The following TMEM38A variants were observed in gnomAD, a reference collection of about 807,000 sequenced individuals.
The protein encoded by TMEM38A is transmembrane protein 38A, also known as trimeric intracellular cation channel type A.
A neutral mutation model predicts 28.6 loss-of-function variants in TMEM38A; 17 were observed. The observed-to-expected ratio is 0.60, with a 90% CI of 0.41 to 0.89. The LOEUF (loss-of-function observed/expected upper bound fraction) is 0.89, where lower values mean the gene tolerates loss of function less well. Ranked by LOEUF, TMEM38A falls within the 40% of genes least tolerant of loss-of-function variation. The pLI, the probability that TMEM38A is intolerant of heterozygous loss-of-function variation, is 0.00. For synonymous variants in TMEM38A, 169 were observed against 166.1 expected (o/e 1.02, Z -0.14); for missense variants, 328 against 393.1 (o/e 0.83, Z 1.40).
rs1023554067 is a variant in TMEM38A, at chr19:16,682,281, G to T, written c.467-140G>T. ...CTGAGCCTCAGTTTCCCCACCTGCA[G>T]CTGATGATCATACACCCCCAGGCTC... On this transcript the variant is annotated intron_variant, in intron 3 of 5. Coordinates refer to ENST00000187762, the MANE Select transcript of TMEM38A (RefSeq NM_024074.4). 2.2e-5 allele frequency: 15 copies of T among 668,032 alleles called. No individual in the cohort carries two copies. The African/African-American group carries it at 2.7e-4, about 12-fold the overall frequency. 41.4% of individuals were successfully genotyped at this position (668,032 alleles called of 1,614,324 possible). A position where few individuals can be genotyped will look rare whatever the true frequency, so the allele number is the denominator to read the frequency against.
intron 4 of TMEM38A, among the ~76,000 whole-genome samples, chr19:16,686,037 C>T (rs989885225): frequency 2.6e-5 from 4 of 152,128 alleles, no homozygotes; most frequent in African/African-American, 9.7e-5. Context: ...GTGGCATATG[C>T]CTGTAATCCC....
chr19:16,684,817 T>G (rs1302662322), intron 4 of TMEM38A, among the ~76,000 whole-genome samples: 1 of 149,922 alleles, frequency 6.7e-6, no homozygotes, highest in African/African-American at 2.5e-5. Context: ...GATAGGAGGA[T>G]TGCTCAAGGC....
intron 1 of TMEM38A, among the ~76,000 whole-genome samples, chr19:16,676,735 G>T (rs996285894): frequency 6.6e-6 from 1 of 150,772 alleles, no homozygotes; most frequent in South Asian, 2.1e-4. Flanking sequence ...ACTGTACCCC[G>T]AGTGTTGCAT....
intron 2 of TMEM38A, 85 bp from the exon 3 acceptor site, chr19:16,680,312 G>A (rs1426209819): frequency 6.5e-7 from 1 of 1,532,738 alleles, no homozygotes; most frequent in Non-Finnish European, 9.0e-7. Flanking sequence ...ACGTTGGGGA[G>A]GGTGGTCTGA....
intron 3 of TMEM38A, among the ~76,000 whole-genome samples, chr19:16,681,294 T>C (rs1235704227): frequency 6.6e-6 from 1 of 151,802 alleles, no homozygotes; most frequent in Non-Finnish European, 1.5e-5. Flanking sequence ...CTCTAAAAAA[T>C]TAAAATTAAA....
chr19:16,664,829 T>C (rs1234334874), intron 1 of TMEM38A, among the ~76,000 whole-genome samples: 1 of 151,976 alleles, frequency 6.6e-6, no homozygotes, highest in Non-Finnish European at 1.5e-5. Context: ...CCCTCCAGCC[T>C]GGGCAACAGA....
intron 1 of TMEM38A, among the ~76,000 whole-genome samples, chr19:16,674,795 G>A (rs922874640): frequency 3.3e-5 from 5 of 151,448 alleles, no homozygotes; most frequent in East Asian, 1.9e-4. Flanking sequence ...GCGAAACACC[G>A]TCTCAAACAA....
At chr19:16,682,716 G>T (rs1370647281) in intron 4 of TMEM38A, among the ~76,000 whole-genome samples, 1 of 152,150 alleles carries the variant, frequency 6.6e-6, no homozygotes, top group African/African-American at 2.4e-5. Flanking sequence ...CAGGAAGGAG[G>T]CAATACCTGA....
intron 1 of TMEM38A, among the ~76,000 whole-genome samples, chr19:16,664,779 T>C (rs778414380): frequency 2.0e-5 from 3 of 151,870 alleles, no homozygotes; most frequent in Non-Finnish European, 4.4e-5. Flanking sequence ...GCAGCATCAA[T>C]GTTGCCTGGG....
In TMEM38A at chr19:16,667,361, C is replaced by T. The variant is rs546796732; in HGVS notation, c.124+6020C>T. Among the ~76,000 whole-genome samples, 9 of 152,100 alleles carry T rather than the reference C, an allele frequency of 5.9e-5. No homozygotes were observed. In the East Asian group the frequency reaches 7.7e-4, roughly 13 times the overall value. ...AGAGTCTGTATTTGAGCAAAATCTG[C>T]GGGTGATTTGGCTCATTTCTGGGGC... On this transcript the variant is annotated intron_variant, in intron 1 of 5. Coordinates refer to ENST00000187762, the MANE Select transcript of TMEM38A (RefSeq NM_024074.4).
At chr19:16,680,247 T>A in intron 2 of TMEM38A, 107 bp downstream of exon 2, 2 of 1,501,892 alleles carry the variant, frequency 1.3e-6, no homozygotes, top group Non-Finnish European at 1.8e-6. Flanking sequence ...GCAACAGCCC[T>A]CATGATGGCC....
intron 1 of TMEM38A, among the ~76,000 whole-genome samples, chr19:16,668,870 C>T (rs2086714804): frequency 6.6e-6 from 1 of 150,430 alleles, no homozygotes; most frequent in Non-Finnish European, 1.5e-5. Flanking sequence ...CTCTTGTTAC[C>T]CAGGCTGGAG....
chr19:16,680,367 C>T, intron 2 of TMEM38A, 30 bp from the exon 3 acceptor site: 5 of 1,611,868 alleles, frequency 3.1e-6, no homozygotes, highest in Non-Finnish European at 3.4e-6. Context: ...TCTGCCCATC[C>T]CCTGGCACTC....
chr19:16,677,718 A>G (rs1377615907), intron 1 of TMEM38A, among the ~76,000 whole-genome samples: 4 of 151,920 alleles, frequency 2.6e-5, no homozygotes, highest in Non-Finnish European at 2.9e-5. Context: ...CACCACGCCC[A>G]GCTAATTTTT....
rs4464207 is a variant in TMEM38A, at chr19:16,668,999, T to A, written c.124+7658T>A. ...ATGTGCCACCACGCCTGGCTAATTTTTTGTATTTTTAGTAGAGATGGGGTT... is the reference window on the plus strand; with the variant it reads ...ATGTGCCACCACGCCTGGCTAATTTATTGTATTTTTAGTAGAGATGGGGTT... On this transcript the variant is annotated intron_variant, in intron 1 of 5. Coordinates refer to ENST00000187762, the MANE Select transcript of TMEM38A (RefSeq NM_024074.4). Among the ~76,000 whole-genome samples the A allele has an allele frequency of 6.0e-3, 916 of 151,990 alleles. 11 individuals carry two copies. Among genetic ancestry groups the A allele is most frequent in the African/African-American group, 0.021 (869 of 41,486 alleles).
chr19:16,674,431 A>G (rs1034321259), intron 1 of TMEM38A, among the ~76,000 whole-genome samples: 75 of 151,204 alleles, frequency 5.0e-4, no homozygotes, highest in African/African-American at 1.5e-3. Context: ...CAACACAACC[A>G]TGATGACTTT....
intron 1 of TMEM38A, among the ~76,000 whole-genome samples, chr19:16,679,042 G>C (rs1244242796): frequency 6.6e-6 from 1 of 151,380 alleles, no homozygotes; most frequent in Non-Finnish European, 1.5e-5. Context: ...CCAGCTACTC[G>C]GGAGTCTGAG....
At position 16,680,380 on chromosome 19, in the gene TMEM38A, T is replaced by A; in HGVS notation, c.282-17T>A. Reference sequence around the variant, plus strand: ...AGTCTGCCCATCCCCTGGCACTCACTGTTCTCTCCCCAAAAGGTACTTGAT... The same window carrying A: ...AGTCTGCCCATCCCCTGGCACTCACAGTTCTCTCCCCAAAAGGTACTTGAT... On this transcript the variant is annotated splice_polypyrimidine_tract_variant and intron_variant, in intron 2 of 5. Coordinates refer to ENST00000187762, the MANE Select transcript of TMEM38A (RefSeq NM_024074.4). 6.2e-7 allele frequency: 1 copy of A among 1,613,554 alleles called. No homozygotes were observed. The highest frequency in any genetic ancestry group is 8.5e-7 in the Non-Finnish European group (1 of 1,179,494).
rs2086676651 is a variant in TMEM38A, at chr19:16,661,377, C to T, written c.124+36C>T. ...GCGGGGGGCTGGAGGGGACCGGCAG[C>T]GGGTGGCGCGGGCCGGGGCAGCTCG... On this transcript the variant is annotated intron_variant, in intron 1 of 5. Transcript: ENST00000187762. This position sits in a 1 kb window ranked among gnomAD's most constrained non-coding sequence, Gnocchi z 6.5. The T allele has an allele frequency of 1.4e-6, 2 of 1,399,270 alleles. No homozygotes were observed. The highest frequency in any genetic ancestry group is 1.9e-6 in the Non-Finnish European group (2 of 1,048,710). 86.7% of individuals were successfully genotyped at this position (1,399,270 alleles called of 1,614,324 possible).
Sources: gnomAD v4.1 joint callset for allele counts (sites outside exome capture counted in the v4.1 genomes callset) on GRCh38, gnomAD v4.1.1 for gene constraint, Gnocchi (gnomAD v3.1) non-coding constraint, MANE v1.5 for transcripts, NCBI Gene and HGNC (gene_info 2026-07-23, HGNC 2026-07-21) for gene names.